MACF1: variants seen among roughly 807,000 people sequenced by gnomAD.
MACF1 encodes microtubule actin crosslinking factor 1, also known as microtubule-actin cross-linking factor 1.
MACF1 carries 193 observed loss-of-function variants against 854.8 expected under a neutral mutation model. That is an observed-to-expected ratio of 0.23 (90% CI 0.20 to 0.25). The LOEUF (loss-of-function observed/expected upper bound fraction) is 0.25. Among genes scored for constraint, MACF1 ranks in the 10% least tolerant of loss-of-function variants. MACF1 has a pLI of 1.00. For synonymous variants in MACF1, 3,185 were observed against 3,226.7 expected (o/e 0.99, Z 0.44); for missense variants, 7,722 against 8,929.1 (o/e 0.86, Z 5.45).
At chr1:39,269,057 C>A (rs1645271629) in intron 6 of MACF1, 5 of 1,289,540 alleles carry the variant, frequency 3.9e-6, no homozygotes, top group Non-Finnish European at 5.1e-6. Context: ...AGACCGCCCA[C>A]CTTTTGTTAG....
chr1:39,103,297 C>T (rs1232199492), intron 2 of MACF1: 2 of 306,018 alleles, frequency 6.5e-6, no homozygotes, highest in Non-Finnish European at 6.4e-6. Context: ...CAAAGTGGCG[C>T]GTGTAGCAGC....
At chr1:39,234,617 G>A (rs1401418952) in intron 2 of MACF1, among the ~76,000 whole-genome samples, 7 of 92,784 alleles carry the variant, frequency 7.5e-5, no homozygotes, top group Non-Finnish European at 1.1e-4. Flanking sequence ...CCTCCCTCCC[G>A]GACGGGGCGG....
At chr1:39,153,011 A>C (rs934742012) in intron 2 of MACF1, among the ~76,000 whole-genome samples, 5 of 152,232 alleles carry the variant, frequency 3.3e-5, no homozygotes, top group Non-Finnish European at 5.9e-5. Context: ...ACTGATCTTT[A>C]GCTGACTTAG....
chr1:39,428,241 A>G lies in MACF1; in HGVS notation c.16757A>G (p.Lys5586Arg). The G allele has an allele frequency of 6.2e-7, 1 of 1,613,904 alleles. No individual in the cohort carries two copies. Among genetic ancestry groups the G allele is most frequent in the Non-Finnish European group, 8.5e-7 (1 of 1,179,908 alleles). The change falls in exon 63 of 101, where the codon AAG (lysine) becomes AGG (arginine). Residue 5586 changes from lysine (K) to arginine (R), a missense_variant. Lys to Arg is a conservative substitution (Grantham distance 26, BLOSUM62 2). Around this residue, in one of 15 missense-constraint regions of MACF1, gnomAD observed 2,807 missense variants for 3,235.8 expected, o/e 0.87. Coordinates refer to ENST00000564288, the MANE Select transcript of MACF1 (RefSeq NM_001394062.1). ...VEDKLSSVFV[K>R]DFKQDVLHRQ... is the part of the protein sequence containing the mutation. ...GACAAGCTCAGTTCAGTGTTCGTAA[A>G]GGATTTCAAACAGGATGTCCTGCAC...
At chr1:39,477,237 G>A (rs1035820188) in intron 97 of MACF1, among the ~76,000 whole-genome samples, 1 of 150,394 alleles carries the variant, frequency 6.6e-6, no homozygotes, top group Admixed American at 6.7e-5. Context: ...TGTTGTTTTG[G>A]TTTTTGAGAC....
intron 58 of MACF1, among the ~76,000 whole-genome samples, chr1:39,397,875 G>A (rs983552698): frequency 1.9e-4 from 29 of 152,336 alleles, no homozygotes; most frequent in African/African-American, 7.0e-4. Flanking sequence ...GAGAATTACA[G>A]TGGTACTGAT....
chr1:39,121,234 A>C (rs186772986), intron 2 of MACF1, among the ~76,000 whole-genome samples: 6 of 152,328 alleles, frequency 3.9e-5, no homozygotes, highest in Admixed American at 1.3e-4. Flanking sequence ...AACTTGCTCA[A>C]GCTAACGCCA....
intron 70 of MACF1, among the ~76,000 whole-genome samples, chr1:39,436,685 G>GT (rs1034639024): frequency 1.3e-5 from 2 of 152,158 alleles, no homozygotes; most frequent in Non-Finnish European, 2.9e-5. Context: ...ATCCCACCAT[G>GT]TTTTTTCTAT....
intron 95 of MACF1, chr1:39,467,636 A>G (rs1198416491): frequency 2.0e-5 from 3 of 152,240 alleles, no homozygotes; most frequent in Admixed American, 6.5e-5. Context: ...TTTAGCATCT[A>G]AAATGATTAT....
chr1:39,210,801 C>G (rs936251129), intron 1 of MACF1, among the ~76,000 whole-genome samples: 2 of 152,106 alleles, frequency 1.3e-5, no homozygotes, highest in African/African-American at 4.8e-5. Flanking sequence ...ATGTTTTTAT[C>G]CTAGTTCTGC....
intron 2 of MACF1, among the ~76,000 whole-genome samples, chr1:39,172,650 TC>T: frequency 6.6e-6 from 1 of 152,242 alleles, no homozygotes; most frequent in Non-Finnish European, 1.5e-5. Flanking sequence ...ACGTGGCTGT[TC>T]TTGTTCACCA....
At chr1:39,118,862 T>G (rs1007978828) in intron 2 of MACF1, among the ~76,000 whole-genome samples, 10 of 152,202 alleles carry the variant, frequency 6.6e-5, no homozygotes, top group Admixed American at 5.9e-4. Context: ...GAGCCGAAAC[T>G]CCAGCATCCT....
At chr1:39,452,025 G>A (rs1644352282) in intron 85 of MACF1, 131 bp from the exon 86 acceptor site, 1 of 758,440 alleles carries the variant, frequency 1.3e-6, no homozygotes, top group Non-Finnish European at 2.1e-6. Context: ...TTTTTCTTAT[G>A]CATTGCTCTG....
rs1298663613 is a variant in MACF1, at chr1:39,334,382, TA to T, written c.7800del (p.Glu2601LysfsTer4). 1 of 1,614,030 alleles carries T rather than the reference TA, an allele frequency of 6.2e-7. No individual in the cohort carries two copies. The highest frequency in any genetic ancestry group is 8.5e-7 in the Non-Finnish European group (1 of 1,179,994). On this transcript the variant is annotated frameshift_variant, in exon 37 of 101. Coordinates refer to ENST00000564288, the MANE Select transcript of MACF1 (RefSeq NM_001394062.1). LOFTEE classifies it high-confidence loss of function. ...GTCAGAGATTGACCTTGGCAGAAGC[TA>T]AAAAAGAAGGACTGTTAACTAATGA... ...SGQRLTLAEAKKEGLLTNEAV... is the reference protein window; with the variant it reads ...SGQRLTLAEAXKEGLLTNEAV...
At chr1:39,461,859 CA>C in intron 92 of MACF1, 23 bp from the exon 93 acceptor site, 2 of 1,388,822 alleles carry the variant, frequency 1.4e-6, no homozygotes, top group Non-Finnish European at 2.0e-6. Flanking sequence ...CTTAATGTTT[CA>C]AAATATGATT....
chr1:39,475,465 T>G (rs1644860565), intron 97 of MACF1, among the ~76,000 whole-genome samples: 1 of 53,412 alleles, frequency 1.9e-5, no homozygotes, highest in African/African-American at 4.3e-5. Context: ...TGAGACCCTG[T>G]CTCAAAAAAA....
intron 1 of MACF1, chr1:39,215,217 G>A (rs1644561541): frequency 6.6e-6 from 1 of 152,664 alleles, no homozygotes; most frequent in South Asian, 2.1e-4. Flanking sequence ...GTAGGAAGTG[G>A]TGGGTGGAGC....
chr1:39,342,509 T>C (rs1451441371), intron 40 of MACF1, among the ~76,000 whole-genome samples: 2 of 151,670 alleles, frequency 1.3e-5, no homozygotes, highest in Admixed American at 1.3e-4. Flanking sequence ...AGTTTTTGAT[T>C]GGTTATTTAC....
intron 97 of MACF1, among the ~76,000 whole-genome samples, chr1:39,477,371 C>T (rs529961241): frequency 1.3e-5 from 2 of 151,910 alleles, no homozygotes; most frequent in African/African-American, 2.4e-5. Flanking sequence ...TCTGCAGGCA[C>T]ATGCCACCAT....
Sources: allele counts gnomAD v4.1 joint callset (sites outside exome capture counted in the v4.1 genomes callset), GRCh38; gene constraint gnomAD v4.1.1; regional missense constraint gnomAD v4.1.1; transcripts MANE v1.5; gene names NCBI Gene and HGNC (gene_info 2026-07-23, HGNC 2026-07-21).